HIP1R: variants seen among roughly 807,000 people sequenced by gnomAD.
HIP1R encodes the protein huntingtin interacting protein 1 related.
Under a neutral mutation model 144.2 loss-of-function variants are expected in HIP1R, and 135 were observed. That is an observed-to-expected ratio of 0.94 (90% CI 0.81 to 1.08). HIP1R has a LOEUF of 1.08. Among genes scored for constraint, HIP1R ranks in the 50% least tolerant of loss-of-function variants. The pLI, the probability that HIP1R is intolerant of heterozygous loss-of-function variation, is 0.00. For missense variants in HIP1R, 1,462 were observed against 1,432.8 expected (o/e 1.02, Z -0.33); for synonymous variants, 698 against 612.8 (o/e 1.14, Z -2.05).
intron 31 of HIP1R, 72 bp from the exon 32 acceptor site, chr12:122,861,634 C>G: frequency 6.3e-7 from 1 of 1,591,734 alleles, no homozygotes; most frequent in South Asian, 1.1e-5. Context: ...CAGGGAGGAG[C>G]TTGCTCAAGG....
At chr12:122,848,662 C>A in intron 3 of HIP1R, 54 bp downstream of exon 3, 1 of 1,594,442 alleles carries the variant, frequency 6.3e-7, no homozygotes, top group Non-Finnish European at 8.6e-7. Flanking sequence ...GTCCCGCGGA[C>A]ATGCGGGCTC....
At position 122,840,718 on chromosome 12, in the gene HIP1R, C is replaced by A. The variant is rs1349851297; in HGVS notation, c.93+5075C>A. The stretch of plus-strand genomic sequence containing the variant: ...GGGGCGGTTGGGGAGAAAAGTGGAT[C>A]TGCACAGAGGTTGGGGGGACTCAGG... On this transcript the variant is annotated intron_variant, in intron 1 of 31. Coordinates refer to ENST00000253083, the MANE Select transcript of HIP1R (RefSeq NM_003959.3). This position sits in a 1 kb window ranked among gnomAD's most constrained non-coding sequence, Gnocchi z 4.2. 1.3e-5 allele frequency among the ~76,000 whole-genome samples: 2 copies of A among 152,158 alleles called. No individual in the cohort carries two copies. Among genetic ancestry groups the A allele is most frequent in the Non-Finnish European group, 2.9e-5 (2 of 68,028 alleles).
At position 122,861,020 on chromosome 12, in the gene HIP1R, G is replaced by A; in HGVS notation, c.2871G>A (p.Gln957=). 6.2e-7 allele frequency: 1 copy of A among 1,613,752 alleles called. No homozygotes were observed. The highest frequency in any genetic ancestry group is 8.5e-7 in the Non-Finnish European group (1 of 1,180,010). ...ANVVASTKSG[Q]EQIEDRDTMD... Reference sequence around the variant, plus strand: ...TGGTGGCCTCCACCAAGTCAGGCCAGGAGCAGATTGAGGACAGAGGTGAGT... The same window carrying A: ...TGGTGGCCTCCACCAAGTCAGGCCAAGAGCAGATTGAGGACAGAGGTGAGT... The change falls in exon 29 of 32, where the codon CAG becomes CAA. Residue 957 remains glutamine (Q), a synonymous_variant. Coordinates refer to ENST00000253083, the MANE Select transcript of HIP1R (RefSeq NM_003959.3).
rs988619947 is a variant in HIP1R, at chr12:122,844,228, T to C, written c.94-3803T>C. On this transcript the variant is annotated intron_variant, in intron 1 of 31. Coordinates refer to ENST00000253083, the MANE Select transcript of HIP1R (RefSeq NM_003959.3). ...ATCATGGCTCACTGCAGCCTGGAAC[T>C]CCTGGACCCAAGCCATTCTCAGCCT... Among the ~76,000 whole-genome samples the C allele has an allele frequency of 6.6e-5, 10 of 152,178 alleles. 1 individual carries two copies. In the South Asian group the frequency reaches 8.3e-4, roughly 13 times the overall value.
intron 5 of HIP1R, 50 bp downstream of exon 5, chr12:122,850,005 C>T: frequency 7.9e-7 from 1 of 1,269,002 alleles, no homozygotes; most frequent in Non-Finnish European, 1.2e-6. Flanking sequence ...GGGCTTTTCC[C>T]ACTGTGACGT....
chr12:122,859,349 C>T, intron 22 of HIP1R, 77 bp from the exon 23 acceptor site: 1 of 1,497,248 alleles, frequency 6.7e-7, no homozygotes, highest in Admixed American at 1.7e-5. Context: ...TCCCTGTGGT[C>T]CCCAACCTCT....
intron 20 of HIP1R, 27 bp downstream of exon 20, chr12:122,858,462 G>A: frequency 6.4e-7 from 1 of 1,553,492 alleles, no homozygotes; most frequent in East Asian, 2.3e-5. Flanking sequence ...CAGGGCGGAG[G>A]CGGGGGCTGT....
At chr12:122,837,823 T>A (rs982347149) in intron 1 of HIP1R, among the ~76,000 whole-genome samples, 1 of 152,190 alleles carries the variant, frequency 6.6e-6, no homozygotes, top group Non-Finnish European at 1.5e-5. Flanking sequence ...GTTTTGTACG[T>A]GGTTAATATT....
At chr12:122,842,015 CT>C (rs2033072884) in intron 1 of HIP1R, among the ~76,000 whole-genome samples, 1 of 152,316 alleles carries the variant, frequency 6.6e-6, no homozygotes, top group Non-Finnish European at 1.5e-5. Context: ...TTCCTGTCTG[CT>C]GGAGCTGACC....
chr12:122,846,788 G>A (rs111617129), intron 1 of HIP1R, among the ~76,000 whole-genome samples: 3,615 of 152,230 alleles, frequency 0.024, 90 homozygotes, highest in South Asian at 0.061. Context: ...GCCCAGCCCC[G>A]CAGTCCCCTA....
intron 18 of HIP1R, chr12:122,857,630 C>T (rs549745133): frequency 6.1e-6 from 2 of 329,216 alleles, no homozygotes; most frequent in African/African-American, 4.2e-5. Flanking sequence ...TGGGTCTCAC[C>T]TCTGTTACCC....
intron 1 of HIP1R, among the ~76,000 whole-genome samples, chr12:122,847,054 G>A (rs1229648456): frequency 6.6e-6 from 1 of 152,246 alleles, no homozygotes; most frequent in Non-Finnish European, 1.5e-5. Flanking sequence ...GCTGGGGGCT[G>A]CGTGTCCCAT....
Position 122,859,667 on chromosome 12 carries a change from A to G in HIP1R, c.2407-105A>G. 2.1e-6 allele frequency: 3 copies of G among 1,427,490 alleles called. No individual in the cohort carries two copies. The South Asian group carries it at 3.6e-5, about 17-fold the overall frequency. The allele number at this position is 1,427,490 out of a possible 1,614,324, so 88.4% of individuals were successfully genotyped here. A position where few individuals can be genotyped will look rare whatever the true frequency, so the allele number is the denominator to read the frequency against. On this transcript the variant is annotated intron_variant, in intron 23 of 31. Transcript: ENST00000253083. ...AGACAGAGGACAGATGGCGTTTTCC[A>G]GGGGCCTGTGAGGTCAGAGCTGAGA...
rs1555262581 is a variant in HIP1R at position 122,851,694 on chromosome 12, A to AAAAAG, written c.577+400_577+401insAGAAA. On this transcript the variant is annotated intron_variant, in intron 7 of 31. Coordinates refer to ENST00000253083, the MANE Select transcript of HIP1R (RefSeq NM_003959.3). Reference sequence around the variant, plus strand: ...GTGAGTCTCCGTCTTAAAAAAAAAAAAAAGAAAAAGAAATGCCCCTGCCCC... The same window carrying AAAAAG: ...GTGAGTCTCCGTCTTAAAAAAAAAAAAAAAGAAAGAAAAAGAAATGCCCCTGCCCC... Among the ~76,000 whole-genome samples the AAAAAG allele has an allele frequency of 3.0e-3, 443 of 149,190 alleles. 5 individuals carry two copies. The highest frequency in any genetic ancestry group is 9.5e-3 in the African/African-American group (387 of 40,608).
Position 122,835,539 on chromosome 12 carries a change from G to C in HIP1R, c.-12G>C. The C allele has an allele frequency of 7.5e-7, 1 of 1,337,742 alleles. No homozygotes were observed. Among genetic ancestry groups the C allele is most frequent in the Non-Finnish European group, 9.6e-7 (1 of 1,036,982 alleles). The allele number at this position is 1,337,742 out of a possible 1,614,324, so 82.9% of individuals were successfully genotyped here. ...CGGACGGAGCCGGACAAAAGCGGGC[G>C]GCGGCGGCAGGATGAACAGCATCAA... is the stretch of plus-strand genomic sequence containing the variant. On this transcript the variant is annotated 5_prime_UTR_variant, in exon 1 of 32. Coordinates refer to ENST00000253083, the MANE Select transcript of HIP1R (RefSeq NM_003959.3).
intron 6 of HIP1R, 97 bp downstream of exon 6, chr12:122,851,008 G>A: frequency 9.1e-7 from 1 of 1,101,548 alleles, no homozygotes; most frequent in Non-Finnish European, 1.3e-6. Context: ...GGGCAGTGGG[G>A]TTGAATGAGT....
chr12:122,847,645 C>T (rs2135645063), intron 1 of HIP1R, among the ~76,000 whole-genome samples: 1 of 152,348 alleles, frequency 6.6e-6, no homozygotes, highest in Admixed American at 6.5e-5. Context: ...GCCGGGGGCT[C>T]CAGTCTCAGC....
rs2032909705 is a variant in HIP1R at position 122,836,838 on chromosome 12, T to G, written c.93+1195T>G. 6.6e-6 allele frequency among the ~76,000 whole-genome samples: 1 copy of G among 152,216 alleles called. No homozygotes were observed. The highest frequency in any genetic ancestry group is 1.5e-5 in the Non-Finnish European group (1 of 68,048). The stretch of plus-strand genomic sequence containing the variant: ...AAATGAGAGAGAACGCAGGGAGACC[T>G]TCTAACCTTTGTGCTTGGGATTGAC... On this transcript the variant is annotated intron_variant, in intron 1 of 31. Coordinates refer to ENST00000253083, the MANE Select transcript of HIP1R (RefSeq NM_003959.3). This position sits in a 1 kb window ranked among gnomAD's most constrained non-coding sequence, Gnocchi z 4.1.
rs758097764 is a variant in HIP1R, at chr12:122,856,350, T to G, written c.1401+6T>G. 6.2e-7 allele frequency: 1 copy of G among 1,613,436 alleles called. No homozygotes were observed. The highest frequency in any genetic ancestry group is 8.5e-7 in the Non-Finnish European group (1 of 1,179,898). ...ACGCGGAGCTGCTCAGAAAGGTAGG[T>G]GCAGCCCATCCTCCATCCCAGCCGG... On this transcript the variant is annotated splice_donor_region_variant and intron_variant, in intron 15 of 31. Transcript: ENST00000253083.
Sources: allele counts gnomAD v4.1 joint callset (sites outside exome capture counted in the v4.1 genomes callset), GRCh38; gene constraint gnomAD v4.1.1; non-coding constraint Gnocchi (gnomAD v3.1); transcripts MANE v1.5; gene names NCBI Gene and HGNC (gene_info 2026-07-23, HGNC 2026-07-21).